Variants in BBS9 observed in about 807,000 individuals in gnomAD.
BBS9 encodes protein PTHB1.
Under a neutral mutation model 117.7 loss-of-function variants are expected in BBS9, and 89 were observed. The ratio of observed to expected loss-of-function variants is 0.76; its 90% confidence interval spans 0.64 to 0.90. BBS9 has a LOEUF of 0.90. Ranked by LOEUF, BBS9 falls within the 40% of genes least tolerant of loss-of-function variation. The pLI is 0.00. For missense variants in BBS9, 982 were observed against 1,042.2 expected, an observed-to-expected ratio of 0.94 and a Z score of 0.80; for synonymous variants, 379 against 370.9, an observed-to-expected ratio of 1.02 and a Z score of -0.25.
intron 19 of BBS9, among the ~76,000 whole-genome samples, chr7:33,489,734 A>G (rs1439821858): frequency 6.6e-6 from 1 of 152,184 alleles, no homozygotes; most frequent in East Asian, 1.9e-4. Flanking sequence ...ATAAAACCCT[A>G]GAGAACTGAA....
At chr7:33,290,135 AG>A (rs1172433739) in intron 9 of BBS9, among the ~76,000 whole-genome samples, 1 of 152,148 alleles carries the variant, frequency 6.6e-6, no homozygotes, top group Non-Finnish European at 1.5e-5. Context: ...AATAACTTAA[AG>A]CATTTAGGAA....
At position 33,405,210 on chromosome 7, in the gene BBS9, G is replaced by A. The variant is rs537755905; in HGVS notation, c.2115+17066G>A. Among the ~76,000 whole-genome samples the A allele has an allele frequency of 2.2e-3, 332 of 152,232 alleles. 1 individual carries two copies. The highest frequency in any genetic ancestry group is 7.3e-3 in the African/African-American group (305 of 41,532). On this transcript the variant is annotated intron_variant, in intron 19 of 22. Coordinates refer to ENST00000242067, the MANE Select transcript of BBS9 (RefSeq NM_198428.3). Reference sequence around the variant, plus strand: ...GGGATGAAGCCCACTTGATCATGGTGGATAAGCTTTTTGATGTGCTGCTGT... The same window carrying A: ...GGGATGAAGCCCACTTGATCATGGTAGATAAGCTTTTTGATGTGCTGCTGT...
intron 20 of BBS9, among the ~76,000 whole-genome samples, chr7:33,514,537 G>A (rs1847444144): frequency 6.6e-6 from 1 of 152,094 alleles, no homozygotes; most frequent in African/African-American, 2.4e-5. Context: ...GGAGTTTCCT[G>A]TACTTTAAAA....
rs557716192 is a variant in BBS9 at position 33,514,285 on chromosome 7, C to T, written c.2298+8640C>T. Among the ~76,000 whole-genome samples the T allele has an allele frequency of 6.6e-4, 101 of 152,250 alleles. 1 individual carries two copies. The highest frequency in any genetic ancestry group is 2.0e-3 in the African/African-American group (84 of 41,542). Reference sequence around the variant, plus strand: ...CTTTGGAGAGGTGAGAGTGGCCATTCGGATTTGATTTCAGGTTGCTTTCTT... The same window carrying T: ...CTTTGGAGAGGTGAGAGTGGCCATTTGGATTTGATTTCAGGTTGCTTTCTT... On this transcript the variant is annotated intron_variant, in intron 20 of 22. Transcript: ENST00000242067.
intron 15 of BBS9, among the ~76,000 whole-genome samples, chr7:33,354,973 G>A (rs987607755): frequency 1.3e-5 from 2 of 152,072 alleles, no homozygotes; most frequent in African/African-American, 4.8e-5. Context: ...CAATATTGGA[G>A]TAAAATAAAT....
Position 33,167,330 on chromosome 7 carries a change from T to C in BBS9, c.329-10148T>C, listed in dbSNP as rs558481628. 1.5e-3 allele frequency among the ~76,000 whole-genome samples: 233 copies of C among 152,318 alleles called. 1 individual carries two copies. Among genetic ancestry groups the C allele is most frequent in the African/African-American group, 5.4e-3 (223 of 41,576 alleles). On this transcript the variant is annotated intron_variant, in intron 4 of 22. Coordinates refer to ENST00000242067, the MANE Select transcript of BBS9 (RefSeq NM_198428.3). ...AATCTGACAAAGTATTTTCTTGGTA[T>C]TGAATATTTTTGTCCTGCTTGGGTT...
intron 5 of BBS9, among the ~76,000 whole-genome samples, chr7:33,189,620 G>A (rs1783719133): frequency 6.6e-6 from 1 of 151,910 alleles, no homozygotes; most frequent in Non-Finnish European, 1.5e-5. Flanking sequence ...GGGTGTGGTG[G>A]CTCACGCCTG....
chr7:33,232,067 T>A (rs1167586945), intron 5 of BBS9, among the ~76,000 whole-genome samples: 2 of 152,286 alleles, frequency 1.3e-5, no homozygotes, highest in South Asian at 4.1e-4. Flanking sequence ...TCTTTTCTTC[T>A]CTTGTTACAA....
chr7:33,386,042 A>G lies in BBS9; in HGVS notation c.1963-1950A>G, dbSNP rs190855790. ...ATATACCTAACGTAAATGACAAGTT[A>G]ATGGGTGCAGCGCACCGACATGGCA... On this transcript the variant is annotated intron_variant, in intron 18 of 22. Coordinates refer to ENST00000242067, the MANE Select transcript of BBS9 (RefSeq NM_198428.3). 1.9e-3 allele frequency among the ~76,000 whole-genome samples: 287 copies of G among 152,276 alleles called. 1 individual carries two copies. The highest frequency in any genetic ancestry group is 6.2e-3 in the African/African-American group (256 of 41,558).
chr7:33,195,421 A>G (rs1784784903), intron 5 of BBS9, among the ~76,000 whole-genome samples: 3 of 152,130 alleles, frequency 2.0e-5, no homozygotes, highest in African/African-American at 7.2e-5. Context: ...TATTGTGGTC[A>G]CTGTCTCCCA....
chr7:33,477,798 G>C (rs1324531312), intron 19 of BBS9, among the ~76,000 whole-genome samples: 1 of 152,138 alleles, frequency 6.6e-6, no homozygotes, highest in Non-Finnish European at 1.5e-5. Flanking sequence ...TTCTAGAAGG[G>C]GTTAACTAAT....
At chr7:33,274,627 A>G (rs954347731) in intron 9 of BBS9, among the ~76,000 whole-genome samples, 1 of 152,236 alleles carries the variant, frequency 6.6e-6, no homozygotes, top group Non-Finnish European at 1.5e-5. Flanking sequence ...ATAGAAATAC[A>G]ACTTTCCATA....
rs73690903 is a variant in BBS9 at position 33,529,184 on chromosome 7, C to T, written c.2299-4770C>T. Among the ~76,000 whole-genome samples, 82 of 152,326 alleles carry T rather than the reference C, an allele frequency of 5.4e-4. 1 individual carries two copies. The highest frequency in any genetic ancestry group is 1.9e-3 in the African/African-American group (80 of 41,574). On this transcript the variant is annotated intron_variant, in intron 20 of 22. Transcript: ENST00000242067. The stretch of plus-strand genomic sequence containing the variant: ...CACTGGTACACAAAGGCATCTGGGA[C>T]CAGCATGGACTGTAGGAGCCTCTGC...
At chr7:33,296,671 C>T (rs1805337196) in intron 9 of BBS9, among the ~76,000 whole-genome samples, 1 of 152,170 alleles carries the variant, frequency 6.6e-6, no homozygotes, top group Non-Finnish European at 1.5e-5. Flanking sequence ...TTCTCTTCTA[C>T]TGACCAACCT....
At chr7:33,172,950 A>G (rs1163347470) in intron 4 of BBS9, among the ~76,000 whole-genome samples, 2 of 152,236 alleles carry the variant, frequency 1.3e-5, no homozygotes, top group Non-Finnish European at 2.9e-5. Flanking sequence ...TCTAATATAC[A>G]CAGGCAGACA....
At chr7:33,560,677 A>T (rs897839396) in intron 21 of BBS9, among the ~76,000 whole-genome samples, 1 of 152,322 alleles carries the variant, frequency 6.6e-6, no homozygotes, top group South Asian at 2.1e-4. Flanking sequence ...AGATAAATCT[A>T]AAAGTCTCCA....
intron 19 of BBS9, among the ~76,000 whole-genome samples, chr7:33,431,767 A>G: frequency 6.6e-6 from 1 of 152,214 alleles, no homozygotes; most frequent in East Asian, 1.9e-4. Context: ...AGCAGCCCAA[A>G]TGGACTAAGA....
intron 1 of BBS9, among the ~76,000 whole-genome samples, chr7:33,135,788 A>G (rs1373883837): frequency 6.6e-6 from 1 of 152,204 alleles, no homozygotes; most frequent in Non-Finnish European, 1.5e-5. Context: ...CGTCCTAACA[A>G]TATTGAGTCT....
chr7:33,416,952 T>G (rs1240452702), intron 19 of BBS9, among the ~76,000 whole-genome samples: 1 of 152,170 alleles, frequency 6.6e-6, no homozygotes, highest in Non-Finnish European at 1.5e-5. Flanking sequence ...TATCTACACT[T>G]GCTCAATAGA....
Sources: allele counts gnomAD v4.1 joint callset (sites outside exome capture counted in the v4.1 genomes callset), GRCh38; gene constraint gnomAD v4.1.1; transcripts MANE v1.5; gene names NCBI Gene and HGNC (gene_info 2026-07-23, HGNC 2026-07-21).